FAM184B: variants seen among roughly 807,000 people sequenced by gnomAD.
FAM184B encodes family with sequence similarity 184 member B, also known as protein FAM184B.
In FAM184B, 111 loss-of-function variants were observed where a neutral mutation model predicts 135.9. That is an observed-to-expected ratio of 0.82 (90% CI 0.70 to 0.96). The LOEUF is 0.96. Ranked by LOEUF, FAM184B falls within the 40% of genes least tolerant of loss-of-function variation. The probability of loss-of-function intolerance (pLI) is 0.00; values close to 1 mark genes in which losing one functional copy is unlikely to be tolerated. For synonymous variants in FAM184B, 552 were observed against 524.8 expected (o/e 1.05, Z -0.71); for missense variants, 1,375 against 1,323.9 (o/e 1.04, Z -0.60).
intron 8 of FAM184B, among the ~76,000 whole-genome samples, chr4:17,663,615 AACACACACAC>A (rs113627829): frequency 3.3e-5 from 5 of 150,532 alleles, no homozygotes; most frequent in East Asian, 4.0e-4. Flanking sequence ...TCCCATTCAC[AACACACACAC>A]ACACACACAC....
chr4:17,702,532 G>T (rs1717012084), intron 5 of FAM184B, among the ~76,000 whole-genome samples: 1 of 152,118 alleles, frequency 6.6e-6, no homozygotes, highest in Non-Finnish European at 1.5e-5. Context: ...AAGAAATAGT[G>T]CACTCCTAAC....
intron 1 of FAM184B, among the ~76,000 whole-genome samples, chr4:17,760,176 C>A (rs1321354334): frequency 2.6e-5 from 4 of 152,114 alleles, no homozygotes; most frequent in African/African-American, 7.2e-5. Flanking sequence ...AGATTAAGAA[C>A]TGAAATCCGC....
chr4:17,671,433 T>G (rs1383543539), intron 7 of FAM184B, among the ~76,000 whole-genome samples: 1 of 151,914 alleles, frequency 6.6e-6, no homozygotes, highest in Non-Finnish European at 1.5e-5. Context: ...CAGTGCAGAG[T>G]GAGCAAATGA....
chr4:17,773,361 A>G (rs1313847850), intron 1 of FAM184B, among the ~76,000 whole-genome samples: 1 of 152,202 alleles, frequency 6.6e-6, no homozygotes, highest in Non-Finnish European at 1.5e-5. Flanking sequence ...CTCCTGACAA[A>G]CTGGCAGAGA....
chr4:17,651,896 G>A (rs979192026), intron 11 of FAM184B, among the ~76,000 whole-genome samples: 12 of 152,126 alleles, frequency 7.9e-5, no homozygotes, highest in Admixed American at 7.9e-4. Context: ...AAGGGGGAGA[G>A]TTTTGTGCTG....
chr4:17,684,080 A>C (rs1482149241), intron 7 of FAM184B, among the ~76,000 whole-genome samples: 1 of 23,312 alleles, frequency 4.3e-5, no homozygotes, highest in Non-Finnish European at 9.6e-5. Flanking sequence ...GAATAATAAT[A>C]ATAATAGTAA....
intron 1 of FAM184B, among the ~76,000 whole-genome samples, chr4:17,736,208 C>T (rs148186830): frequency 1.8e-4 from 28 of 152,114 alleles, no homozygotes; most frequent in East Asian, 1.4e-3. Context: ...CCTGAGGTTA[C>T]GGGGCTGGAA....
At chr4:17,749,571 A>C (rs1382474436) in intron 1 of FAM184B, among the ~76,000 whole-genome samples, 1 of 152,228 alleles carries the variant, frequency 6.6e-6, no homozygotes, top group African/African-American at 2.4e-5. Context: ...AACAGATATA[A>C]AAATTAAATT....
chr4:17,709,525 C>T lies in FAM184B; in HGVS notation c.261G>A (p.Gln87=). 1 of 1,551,076 alleles carries T rather than the reference C, an allele frequency of 6.4e-7. No homozygotes were observed. Among genetic ancestry groups the T allele is most frequent in the Non-Finnish European group, 8.7e-7 (1 of 1,146,974 alleles). Residue 87 remains glutamine, a synonymous_variant, in exon 2 of 18, where the codon CAG becomes CAA. Transcript: ENST00000265018. ...CTTCCTCCTCTGCGCAGCCCTGTTC[C>T]TGCAGGAGCCTGGCCTTGGTCTCTG... ...AVAETKARLL[Q]EQGCAEEEAL... is the part of the protein sequence containing the mutation.
intron 1 of FAM184B, among the ~76,000 whole-genome samples, chr4:17,726,086 GCTAATTTTT>G (rs1444860136): frequency 6.6e-6 from 1 of 152,006 alleles, no homozygotes; most frequent in Non-Finnish European, 1.5e-5. Flanking sequence ...ACCACGCCCA[GCTAATTTTT>G]TCGTATTTTC....
At chr4:17,641,644 T>C (rs1343211622) in intron 13 of FAM184B, among the ~76,000 whole-genome samples, 1 of 63,620 alleles carries the variant, frequency 1.6e-5, no homozygotes, top group South Asian at 5.7e-4. Flanking sequence ...ACGCCCGGCC[T>C]TTTTTTTTTT....
intron 2 of FAM184B, among the ~76,000 whole-genome samples, chr4:17,708,306 G>C (rs1717161438): frequency 6.6e-6 from 1 of 151,958 alleles, no homozygotes; most frequent in Non-Finnish European, 1.5e-5. Flanking sequence ...CTCACCACGT[G>C]TCCCTTGCCC....
At chr4:17,671,878 A>C (rs1235130941) in intron 7 of FAM184B, among the ~76,000 whole-genome samples, 1 of 151,842 alleles carries the variant, frequency 6.6e-6, no homozygotes, top group Non-Finnish European at 1.5e-5. Context: ...ATTTAATAGA[A>C]AACTATATCA....
At chr4:17,771,887 C>T (rs1294758948) in intron 1 of FAM184B, among the ~76,000 whole-genome samples, 3 of 152,206 alleles carry the variant, frequency 2.0e-5, no homozygotes, top group Non-Finnish European at 4.4e-5. Flanking sequence ...TTATAAGTGA[C>T]TTTTCACATA....
chr4:17,743,918 G>C (rs997094319), intron 1 of FAM184B, among the ~76,000 whole-genome samples: 1 of 152,212 alleles, frequency 6.6e-6, no homozygotes, highest in African/African-American at 2.4e-5. Flanking sequence ...GGAAATCGTG[G>C]TGTTGGCCCA....
intron 1 of FAM184B, among the ~76,000 whole-genome samples, chr4:17,744,486 CA>C (rs1718114819): frequency 6.9e-6 from 1 of 144,144 alleles, no homozygotes; most frequent in African/African-American, 2.7e-5. Flanking sequence ...CACACACACA[CA>C]CACCACACAC....
At chr4:17,643,544 A>G (rs1715382817) in intron 12 of FAM184B, among the ~76,000 whole-genome samples, 1 of 151,974 alleles carries the variant, frequency 6.6e-6, no homozygotes, top group South Asian at 2.1e-4. Context: ...AGCTGTCTCC[A>G]TCCCACATTT....
At chr4:17,641,551 TC>T (rs1475206486) in intron 13 of FAM184B, among the ~76,000 whole-genome samples, 1 of 128,814 alleles carries the variant, frequency 7.8e-6, no homozygotes, top group East Asian at 2.5e-4. Flanking sequence ...CGATCTTGGC[TC>T]ACTGCAACCT....
At chr4:17,661,218 C>G (rs1715910613) in intron 8 of FAM184B, among the ~76,000 whole-genome samples, 1 of 152,176 alleles carries the variant, frequency 6.6e-6, no homozygotes. Context: ...AATATCTATA[C>G]TTAAAACAGC....
Sources: allele counts gnomAD v4.1 joint callset (sites outside exome capture counted in the v4.1 genomes callset), GRCh38; gene constraint gnomAD v4.1.1; transcripts MANE v1.5; gene names NCBI Gene and HGNC (gene_info 2026-07-23, HGNC 2026-07-21).